Variants in SUCLG2 observed in about 807,000 individuals in gnomAD.
The protein encoded by SUCLG2 is succinate--CoA ligase [GDP-forming] subunit beta, mitochondrial.
A neutral mutation model predicts 47.9 loss-of-function variants in SUCLG2; 42 were observed. That is an observed-to-expected ratio of 0.88 (90% CI 0.69 to 1.14). The LOEUF is 1.14. Ranked by LOEUF, SUCLG2 falls within the 50% of genes most tolerant of loss-of-function variation. SUCLG2 has a pLI of 0.00. For synonymous variants in SUCLG2, 195 were observed against 197.3 expected, an observed-to-expected ratio of 0.99 and a Z score of 0.10; for missense variants, 571 against 525.9, an observed-to-expected ratio of 1.09 and a Z score of -0.84.
At chr3:67,476,737 T>C (rs1704770275) in intron 9 of SUCLG2, among the ~76,000 whole-genome samples, 1 of 152,162 alleles carries the variant, frequency 6.6e-6, no homozygotes, top group South Asian at 2.1e-4. Flanking sequence ...TCTCATAATA[T>C]TCTCCTAACA....
intron 10 of SUCLG2, among the ~76,000 whole-genome samples, chr3:67,364,224 G>C (rs1209416756): frequency 5.3e-5 from 8 of 152,190 alleles, no homozygotes; most frequent in Non-Finnish European, 1.0e-4. Flanking sequence ...CTCTCTGCCT[G>C]GGTGGTATTA....
chr3:67,634,202 T>C (rs187141797), intron 1 of SUCLG2, among the ~76,000 whole-genome samples: 1,612 of 152,276 alleles, frequency 0.011, 19 homozygotes, highest in Non-Finnish European at 0.013. Flanking sequence ...AAAAGCTCTT[T>C]GGTGCCACAA....
chr3:67,457,785 C>A (rs1457956600), intron 9 of SUCLG2, among the ~76,000 whole-genome samples: 1 of 143,258 alleles, frequency 7.0e-6, no homozygotes, highest in Non-Finnish European at 1.5e-5. Flanking sequence ...ATTTATGGGA[C>A]CTTTACCATG....
intron 2 of SUCLG2, among the ~76,000 whole-genome samples, chr3:67,553,626 T>C (rs1172552395): frequency 6.6e-6 from 1 of 152,202 alleles, no homozygotes; most frequent in Non-Finnish European, 1.5e-5. Context: ...TTTTCTTTTC[T>C]TAAAGTACTT....
chr3:67,399,537 C>T (rs1341232861), intron 10 of SUCLG2, among the ~76,000 whole-genome samples: 1 of 152,186 alleles, frequency 6.6e-6, no homozygotes, highest in Non-Finnish European at 1.5e-5. Flanking sequence ...AAATTCTAGA[C>T]AATGTGCACC....
intron 1 of SUCLG2, among the ~76,000 whole-genome samples, chr3:67,654,246 G>C (rs374017297): frequency 7.2e-5 from 11 of 152,222 alleles, no homozygotes; most frequent in Non-Finnish European, 1.5e-4. Flanking sequence ...GAGTCTGCGC[G>C]GGCAGACAGC....
intron 10 of SUCLG2, among the ~76,000 whole-genome samples, chr3:67,384,655 T>C (rs1460890998): frequency 1.3e-5 from 2 of 152,208 alleles, no homozygotes; most frequent in Non-Finnish European, 2.9e-5. Context: ...ACTTCTGACT[T>C]GATATAGTGG....
At chr3:67,407,438 A>C (rs1162721477) in intron 9 of SUCLG2, among the ~76,000 whole-genome samples, 1 of 152,226 alleles carries the variant, frequency 6.6e-6, no homozygotes, top group Admixed American at 6.5e-5. Context: ...CAACTTTAAT[A>C]ACATTCCTTT....
intron 10 of SUCLG2, among the ~76,000 whole-genome samples, chr3:67,391,927 C>T (rs1167400207): frequency 6.6e-6 from 1 of 152,148 alleles, no homozygotes; most frequent in Non-Finnish European, 1.5e-5. Context: ...TAAGATGGAC[C>T]TGTTTCCCAC....
At chr3:67,393,871 C>T (rs893251526) in intron 10 of SUCLG2, among the ~76,000 whole-genome samples, 13 of 152,248 alleles carry the variant, frequency 8.5e-5, no homozygotes, top group African/African-American at 2.4e-4. Context: ...CATGAAAACC[C>T]ACTGTTCTGC....
At chr3:67,589,787 G>T (rs1199289588) in intron 2 of SUCLG2, among the ~76,000 whole-genome samples, 2 of 152,172 alleles carry the variant, frequency 1.3e-5, no homozygotes, top group African/African-American at 4.8e-5. Context: ...AGTGAAGCTG[G>T]GGGCGGAAAG....
intron 10 of SUCLG2, among the ~76,000 whole-genome samples, chr3:67,400,048 A>G (rs375427474): frequency 6.6e-6 from 1 of 152,040 alleles, no homozygotes; most frequent in African/African-American, 2.4e-5. Context: ...AAACGGACAA[A>G]ACTACTCCCA....
rs186383477 is a variant in SUCLG2 at position 67,461,019 on chromosome 3, T to G, written c.1062+34779A>C. Among the ~76,000 whole-genome samples the G allele has an allele frequency of 3.2e-4, 49 of 152,314 alleles. No individual in the cohort carries two copies. The East Asian group carries it at 9.1e-3, about 28-fold the overall frequency. ...CCAGCACTCAGGTTCACTGCCCAAG[T>G]GCCCAGTGTACTCTCTGACCCAAGA... On this transcript the variant is annotated intron_variant, in intron 9 of 10. Coordinates refer to ENST00000307227, the MANE Select transcript of SUCLG2 (RefSeq NM_003848.4).
At chr3:67,523,252 T>A (rs550937903) in intron 4 of SUCLG2, among the ~76,000 whole-genome samples, 7 of 152,322 alleles carry the variant, frequency 4.6e-5, no homozygotes, top group African/African-American at 1.7e-4. Flanking sequence ...ATGGAATGAA[T>A]ATAGAACTCC....
intron 9 of SUCLG2, among the ~76,000 whole-genome samples, chr3:67,475,011 A>T (rs961547037): frequency 6.8e-6 from 1 of 147,370 alleles, no homozygotes; most frequent in African/African-American, 2.7e-5. Context: ...CTAAAAAAAA[A>T]AAAAGAGAGG....
Position 67,381,410 on chromosome 3 carries a change from CCT to C in SUCLG2, c.1184-5553_1184-5552del, listed in dbSNP as rs569910296. Among the ~76,000 whole-genome samples, 304 of 152,236 alleles carry C rather than the reference CCT, an allele frequency of 2.0e-3. 1 individual carries two copies. The highest frequency in any genetic ancestry group is 2.9e-3 in the Admixed American group (44 of 15,296). ...CTGACATCTATTCCCCAACCCTCTC[CCT>C]GCCTTTACTTCTAAATAGAAATTAT... On this transcript the variant is annotated intron_variant, in intron 10 of 10. Coordinates refer to ENST00000307227, the MANE Select transcript of SUCLG2 (RefSeq NM_003848.4).
chr3:67,443,808 T>TG (rs1291162958), intron 9 of SUCLG2, among the ~76,000 whole-genome samples: 1 of 68,724 alleles, frequency 1.5e-5, no homozygotes, highest in East Asian at 8.6e-4. Flanking sequence ...GGAGACCCTC[T>TG]GCCTGGCAAC....
chr3:67,430,427 A>C (rs1269972069), intron 9 of SUCLG2, among the ~76,000 whole-genome samples: 3 of 152,208 alleles, frequency 2.0e-5, no homozygotes, highest in Non-Finnish European at 4.4e-5. Context: ...AACATACCAG[A>C]ATCTCTGAGA....
intron 1 of SUCLG2, among the ~76,000 whole-genome samples, chr3:67,652,343 G>C (rs1701300944): frequency 6.6e-6 from 1 of 152,172 alleles, no homozygotes; most frequent in South Asian, 2.1e-4. Context: ...TTTTTCACAA[G>C]GCCTGGTGGT....
Sources: allele counts gnomAD v4.1 joint callset (sites outside exome capture counted in the v4.1 genomes callset), GRCh38; gene constraint gnomAD v4.1.1; transcripts MANE v1.5; gene names NCBI Gene and HGNC (gene_info 2026-07-23, HGNC 2026-07-21).